Variants in CALCRL observed in about 807,000 individuals in gnomAD.
CALCRL encodes calcitonin receptor like receptor.
In CALCRL, 27 loss-of-function variants were observed where a neutral mutation model predicts 60.4. That is an observed-to-expected ratio of 0.45 (90% CI 0.33 to 0.62). The LOEUF is 0.62. Ranked by LOEUF, CALCRL falls within the 20% of genes least tolerant of loss-of-function variation. The probability of loss-of-function intolerance (pLI) is 0.03; values close to 1 mark genes in which losing one functional copy is unlikely to be tolerated. For missense variants in CALCRL, 424 were observed against 540.7 expected (o/e 0.78, Z 2.14); for synonymous variants, 190 against 182.6 (o/e 1.04, Z -0.33).
chr2:187,416,596 C>T (rs758806484), intron 1 of CALCRL, among the ~76,000 whole-genome samples: 3 of 151,918 alleles, frequency 2.0e-5, no homozygotes, highest in Non-Finnish European at 2.9e-5. Context: ...CTTGTGAATG[C>T]GGGATGGTCT....
At chr2:187,413,429 A>G (rs1185243526) in intron 1 of CALCRL, among the ~76,000 whole-genome samples, 4 of 152,106 alleles carry the variant, frequency 2.6e-5, no homozygotes, top group Non-Finnish European at 5.9e-5. Context: ...TGCTCTATCT[A>G]TAACTGTTAT....
chr2:187,416,556 A>C (rs1689618940), intron 1 of CALCRL, among the ~76,000 whole-genome samples: 3 of 152,168 alleles, frequency 2.0e-5, no homozygotes, highest in East Asian at 3.8e-4. Flanking sequence ...GAAATAAGAC[A>C]TTAAAAGGCC....
rs144652132 is a variant in CALCRL at position 187,432,487 on chromosome 2, T to G, written c.-293+15552A>C. Among the ~76,000 whole-genome samples, 60 of 152,216 alleles carry G rather than the reference T, an allele frequency of 3.9e-4. No homozygotes were observed. In the East Asian group the frequency reaches 0.011, roughly 28 times the overall value. On this transcript the variant is annotated intron_variant, in intron 1 of 14. Transcript: ENST00000392370. ...ATAATTTCTTTAAAGTCAACAGAGA[T>G]GTTGACCCTCAAAATGTAAACCCTC...
chr2:187,435,831 G>T (rs974997132), intron 1 of CALCRL, among the ~76,000 whole-genome samples: 2 of 150,346 alleles, frequency 1.3e-5, no homozygotes, highest in African/African-American at 4.9e-5. Context: ...CAGCAATAAT[G>T]ACTAATCCTT....
intron 1 of CALCRL, among the ~76,000 whole-genome samples, chr2:187,444,167 G>T (rs1329721864): frequency 6.6e-6 from 1 of 151,532 alleles, no homozygotes; most frequent in African/African-American, 2.4e-5. Context: ...AATGAGCTTA[G>T]GTTAGCCTAA....
chr2:187,360,270 C>A (rs1057397354), intron 10 of CALCRL, among the ~76,000 whole-genome samples: 1 of 151,954 alleles, frequency 6.6e-6, no homozygotes, highest in African/African-American at 2.4e-5. Context: ...AATGAATATT[C>A]AGAATGGTAC....
intron 12 of CALCRL, among the ~76,000 whole-genome samples, chr2:187,357,586 G>T (rs375694264): frequency 2.0e-5 from 3 of 146,514 alleles, no homozygotes; most frequent in South Asian, 4.4e-4. Context: ...AGTCCCCAGA[G>T]TGTGATGTTC....
intron 1 of CALCRL, among the ~76,000 whole-genome samples, chr2:187,403,045 C>T (rs1410387687): frequency 6.6e-6 from 1 of 151,642 alleles, no homozygotes; most frequent in African/African-American, 2.4e-5. Flanking sequence ...AGAGGGCCCT[C>T]ACCAAGAATC....
At chr2:187,353,715 C>T (rs1316440451) in intron 12 of CALCRL, among the ~76,000 whole-genome samples, 1 of 151,844 alleles carries the variant, frequency 6.6e-6, no homozygotes, top group Admixed American at 6.6e-5. Context: ...TCCACTCATC[C>T]TAATATATTC....
At chr2:187,415,690 T>A (rs1559069565) in intron 1 of CALCRL, 1 of 595,210 alleles carries the variant, frequency 1.7e-6, no homozygotes, top group Non-Finnish European at 3.1e-6. Flanking sequence ...GGTTGTCTCC[T>A]CCGACTTCAA....
chr2:187,434,347 C>T (rs1690539121), intron 1 of CALCRL, among the ~76,000 whole-genome samples: 1 of 152,078 alleles, frequency 6.6e-6, no homozygotes, highest in Non-Finnish European at 1.5e-5. Flanking sequence ...CAATTAGAAA[C>T]AAATGTTTCA....
At chr2:187,374,650 T>A (rs1384440090) in intron 8 of CALCRL, among the ~76,000 whole-genome samples, 1 of 152,090 alleles carries the variant, frequency 6.6e-6, no homozygotes, top group Non-Finnish European at 1.5e-5. Context: ...CATTTTTTTG[T>A]TTTGTTTTGT....
At chr2:187,369,503 A>G (rs1348935639) in intron 8 of CALCRL, among the ~76,000 whole-genome samples, 1 of 152,142 alleles carries the variant, frequency 6.6e-6, no homozygotes, top group Non-Finnish European at 1.5e-5. Flanking sequence ...TCAAGGTTAC[A>G]CTCTTATAAA....
chr2:187,359,305 G>A (rs1686945283), intron 10 of CALCRL, 33 bp from the exon 11 acceptor site: 1 of 1,424,054 alleles, frequency 7.0e-7, no homozygotes, highest in Non-Finnish European at 9.4e-7. Flanking sequence ...AAATAAATAG[G>A]CATTTTTTCT....
At chr2:187,404,944 A>G (rs573115284) in intron 1 of CALCRL, among the ~76,000 whole-genome samples, 2 of 152,044 alleles carry the variant, frequency 1.3e-5, no homozygotes, top group African/African-American at 4.8e-5. Flanking sequence ...CAGAGAGCAC[A>G]GGTTTCACAC....
At position 187,438,043 on chromosome 2, in the gene CALCRL, A is replaced by T. The variant is rs13019491; in HGVS notation, c.-293+9996T>A. Among the ~76,000 whole-genome samples, 64 of 152,166 alleles carry T rather than the reference A, an allele frequency of 4.2e-4. No homozygotes were observed. The South Asian group carries it at 0.012, about 29-fold the overall frequency. ...CTGAATGACATACATATTTGAACTC[A>T]GAAGAAAGAAAACCTTAATAGTGAC... On this transcript the variant is annotated intron_variant, in intron 1 of 14. Coordinates refer to ENST00000392370, the MANE Select transcript of CALCRL (RefSeq NM_005795.6).
intron 1 of CALCRL, among the ~76,000 whole-genome samples, chr2:187,409,249 C>G (rs959532841): frequency 1.3e-5 from 2 of 151,954 alleles, no homozygotes; most frequent in Non-Finnish European, 2.9e-5. Context: ...TGCTTTGATT[C>G]GGGGAATAAC....
chr2:187,419,411 G>A (rs1689771604), intron 1 of CALCRL, among the ~76,000 whole-genome samples: 1 of 152,178 alleles, frequency 6.6e-6, no homozygotes, highest in Admixed American at 6.5e-5. Context: ...AGAGAAGAGA[G>A]GCCTGAGGAG....
intron 7 of CALCRL, among the ~76,000 whole-genome samples, chr2:187,379,286 TAGA>T (rs1165526021): frequency 6.6e-6 from 1 of 152,094 alleles, no homozygotes. Flanking sequence ...TTTAAAAAAT[TAGA>T]AGTCAAATAT....
Sources: allele counts gnomAD v4.1 joint callset (sites outside exome capture counted in the v4.1 genomes callset), GRCh38; gene constraint gnomAD v4.1.1; transcripts MANE v1.5; gene names NCBI Gene and HGNC (gene_info 2026-07-23, HGNC 2026-07-21).